Variants in TBC1D26 observed in about 807,000 individuals in gnomAD.
TBC1D26 encodes the protein TBC1 domain family, member 26.
Under a neutral mutation model 42.5 loss-of-function variants are expected in TBC1D26, and 19 were observed. The observed-to-expected ratio is 0.45, with a 90% confidence interval of 0.31 to 0.66. The LOEUF is 0.66. TBC1D26 is among the 30% of genes least tolerant of loss of function. The probability of loss-of-function intolerance (pLI) is 0.06; values close to 1 mark genes in which losing one functional copy is unlikely to be tolerated. For missense variants in TBC1D26, 228 were observed against 332.6 expected, an observed-to-expected ratio of 0.69 and a Z score of 2.45; for synonymous variants, 97 against 123.5, an observed-to-expected ratio of 0.79 and a Z score of 1.42.
At chr17:15,732,634 C>T (rs1271797252) in intron 1 of TBC1D26, among the ~76,000 whole-genome samples, 4 of 151,924 alleles carry the variant, frequency 2.6e-5, no homozygotes, top group Non-Finnish European at 5.9e-5. Context: ...CTGGGCTGTG[C>T]TCTCAGCCCT....
In TBC1D26 at chr17:15,740,159, C is replaced by T; in HGVS notation, c.546+11C>T. 6.2e-7 allele frequency: 1 copy of T among 1,614,160 alleles called. No individual in the cohort carries two copies. The highest frequency in any genetic ancestry group is 1.1e-5 in the South Asian group (1 of 91,072). Reference sequence around the variant, plus strand: ...TCTGCATATAACCCTGTGAGTATTCCCGGGCAGCGATATTCCTGGGACATG... The same window carrying T: ...TCTGCATATAACCCTGTGAGTATTCTCGGGCAGCGATATTCCTGGGACATG... On this transcript the variant is annotated intron_variant, in intron 9 of 14. Coordinates refer to ENST00000437605, the MANE Select transcript of TBC1D26 (RefSeq NM_001388465.1).
Position 15,738,066 on chromosome 17 carries a change from A to G in TBC1D26, c.268A>G (p.Ser90Gly), listed in dbSNP as rs1379476287. 6.2e-7 allele frequency: 1 copy of G among 1,614,064 alleles called. No individual in the cohort carries two copies. The highest frequency in any genetic ancestry group is 2.2e-5 in the East Asian group (1 of 44,874). ...GCTTGCAGACTGGACAAAATATAGG[A>G]GCACCAAGAAGGTAACATGGGGAGG... ...KMLADWTKYR[S>G]TKKLSQRVYK... The change falls in exon 6 of 15, where the codon AGC becomes GGC. Residue 90 changes from serine (S) to glycine (G), a missense_variant. Around this residue, in one of 5 missense-constraint regions of TBC1D26, gnomAD observed 72 missense variants for 90.1 expected, o/e 0.80. Transcript: ENST00000437605.
At chr17:15,735,217 C>G in intron 2 of TBC1D26, 131 bp from the exon 3 acceptor site, 1 of 1,074,392 alleles carries the variant, frequency 9.3e-7, no homozygotes, top group East Asian at 2.4e-5. Context: ...AGTCTGGCCC[C>G]TGTCATCTGG....
At chr17:15,738,897 C>T (rs1232968291) in intron 8 of TBC1D26, 67 bp downstream of exon 8, 5 of 1,607,646 alleles carry the variant, frequency 3.1e-6, no homozygotes, top group Admixed American at 1.7e-5. Context: ...GAGGTTGTCC[C>T]CAGGGCAGAG....
chr17:15,735,185 C>A, intron 2 of TBC1D26, 115 bp downstream of exon 2: 1 of 779,294 alleles, frequency 1.3e-6, no homozygotes, highest in Non-Finnish European at 2.1e-6. Context: ...CTTCAGAGAT[C>A]TAGTCAGGGG....
chr17:15,742,012 C>G lies in TBC1D26; in HGVS notation c.717C>G (p.Ser239=). The change falls in exon 11 of 15, where the codon TCC becomes TCG. Residue 239 remains serine, a synonymous_variant. Coordinates refer to ENST00000437605, the MANE Select transcript of TBC1D26 (RefSeq NM_001388465.1). ...LSHQEQVLHK[S]FPKIMRHLGK... is the part of the protein sequence containing the mutation. ...ACCAGGAGCAGGTGCTGCACAAGTC[C>G]TTCCCAAAGATCATGAGACACCTGG... The G allele has an allele frequency of 6.2e-7, 1 of 1,614,032 alleles. No homozygotes were observed. Among genetic ancestry groups the G allele is most frequent in the Non-Finnish European group, 8.5e-7 (1 of 1,179,970 alleles).
chr17:15,736,272 A>G (rs1465555751), intron 4 of TBC1D26, among the ~76,000 whole-genome samples: 3 of 152,258 alleles, frequency 2.0e-5, no homozygotes, highest in Non-Finnish European at 4.4e-5. Context: ...GGGCCTGGTA[A>G]TGGGAGCCCA....
chr17:15,732,982 G>A (rs1445650292), intron 1 of TBC1D26, among the ~76,000 whole-genome samples: 2 of 151,718 alleles, frequency 1.3e-5, no homozygotes, highest in African/African-American at 4.8e-5. Context: ...GGGCAGGGAG[G>A]ACTTGGACAG....
At chr17:15,741,432 CT>C in intron 10 of TBC1D26, 1 of 761,490 alleles carries the variant, frequency 1.3e-6, no homozygotes, top group South Asian at 1.9e-5. Context: ...AGTCAGACGG[CT>C]TTCATCCCTA....
rs577449651 is a variant in TBC1D26, at chr17:15,740,161, G to T, written c.546+13G>T. ...TGCATATAACCCTGTGAGTATTCCC[G>T]GGCAGCGATATTCCTGGGACATGTG... On this transcript the variant is annotated intron_variant, in intron 9 of 14. Transcript: ENST00000437605. The T allele has an allele frequency of 6.2e-6, 10 of 1,613,726 alleles. No individual in the cohort carries two copies. The highest frequency in any genetic ancestry group is 8.5e-6 in the Non-Finnish European group (10 of 1,180,024).
intron 10 of TBC1D26, chr17:15,741,670 G>A (rs926947485): frequency 7.8e-6 from 4 of 516,056 alleles, no homozygotes; most frequent in Non-Finnish European, 1.4e-5. Flanking sequence ...TAGCCACATA[G>A]CCCCCAGCTC....
intron 9 of TBC1D26, 118 bp downstream of exon 9, chr17:15,740,266 AG>A (rs745392951): frequency 1.6e-5 from 26 of 1,610,042 alleles, no homozygotes; most frequent in Non-Finnish European, 2.2e-5. Flanking sequence ...AGGACGTAGT[AG>A]GCAGGACTTC....
intron 10 of TBC1D26, 130 bp downstream of exon 10, chr17:15,741,351 T>G: frequency 2.0e-6 from 3 of 1,530,536 alleles, no homozygotes; most frequent in East Asian, 4.6e-5. Flanking sequence ...CCCAGCTTGT[T>G]TGGAGCCTCC....
In TBC1D26 at chr17:15,743,398, C is replaced by T; in HGVS notation, c.939C>T (p.Val313=). ...KHLMKLSWST[V]WEFQERLSQS... ...TCATGAAGCTTTCCTGGAGCACTGT[C>T]TGGGAGTTTCAGGAGCGACTCTCTC... The change falls in exon 14 of 15, where the codon GTC becomes GTT. Residue 313 remains valine (V), a synonymous_variant. Coordinates refer to ENST00000437605, the MANE Select transcript of TBC1D26 (RefSeq NM_001388465.1). 1 of 986,760 alleles carries T rather than the reference C, an allele frequency of 1.0e-6. No homozygotes were observed. The allele number at this position is 986,760 out of a possible 1,614,324, so 61.1% of individuals were successfully genotyped here.
At chr17:15,740,628 C>T in intron 9 of TBC1D26, 2 of 1,085,102 alleles carry the variant, frequency 1.8e-6, no homozygotes, top group East Asian at 7.2e-5. Flanking sequence ...CCCCACTTTC[C>T]AGACCATTCC....
chr17:15,740,882 T>C, intron 9 of TBC1D26: 1 of 638,086 alleles, frequency 1.6e-6, no homozygotes. Context: ...TTTCGGGCCA[T>C]GTGAGCTTGG....
At chr17:15,737,684 A>T in intron 5 of TBC1D26, 161 bp downstream of exon 5, 1 of 1,082,124 alleles carries the variant, frequency 9.2e-7, no homozygotes, top group South Asian at 1.6e-5. Context: ...TCCCATGAGG[A>T]CTTGACCAAA....
In TBC1D26 at chr17:15,735,475, G is replaced by A. The variant is rs1338920079; in HGVS notation, c.75+52G>A. On this transcript the variant is annotated intron_variant, in intron 3 of 14. Transcript: ENST00000437605. ...GAAGCAGGGCCTCGCCTCTCCCGCT[G>A]TGCCCTGGTCACAGGGTCCTGGGCT... 11 of 1,562,732 alleles carry A rather than the reference G, an allele frequency of 7.0e-6. No individual in the cohort carries two copies. The Admixed American group carries it at 1.1e-4, about 15-fold the overall frequency.
chr17:15,737,576 G>C, intron 5 of TBC1D26, 53 bp downstream of exon 5: 14 of 1,606,854 alleles, frequency 8.7e-6, no homozygotes, highest in Non-Finnish European at 1.2e-5. Context: ...TGGGAATCGG[G>C]TGGTCGGTAA....
Sources: allele counts gnomAD v4.1 joint callset (sites outside exome capture counted in the v4.1 genomes callset), GRCh38; gene constraint gnomAD v4.1.1; regional missense constraint gnomAD v4.1.1; transcripts MANE v1.5; gene names NCBI Gene and HGNC (gene_info 2026-07-23, HGNC 2026-07-21).